Variants in COA1 observed in about 807,000 individuals in gnomAD.
The protein encoded by COA1 is cytochrome c oxidase assembly factor 1.
In COA1, 13 loss-of-function variants were observed where a neutral mutation model predicts 16.0. The observed-to-expected ratio is 0.81, with a 90% confidence interval of 0.53 to 1.29. The LOEUF (loss-of-function observed/expected upper bound fraction) is 1.29, where lower values mean the gene tolerates loss of function less well. Among genes scored for constraint, COA1 ranks in the 50% most tolerant of loss-of-function variants. The pLI, the probability that COA1 is intolerant of heterozygous loss-of-function variation, is 0.00. For synonymous variants in COA1, 65 were observed against 65.7 expected, an observed-to-expected ratio of 0.99 and a Z score of 0.05; for missense variants, 179 against 177.0, an observed-to-expected ratio of 1.01 and a Z score of -0.06.
rs183234105 is a variant in COA1, at chr7:43,643,819, G to A, written c.264+1432C>T. ...CACAAATCCACCTTCTTTTAAAACC[G>A]AATATTTTAATCAGAATACCAGAGC... is the stretch of plus-strand genomic sequence containing the variant. On this transcript the variant is annotated intron_variant, in intron 4 of 5. Coordinates refer to ENST00000223336, the MANE Select transcript of COA1 (RefSeq NM_018224.4). 1.4e-3 allele frequency among the ~76,000 whole-genome samples: 214 copies of A among 152,264 alleles called. 1 individual carries two copies. The highest frequency in any genetic ancestry group is 9.9e-3 in the Admixed American group (151 of 15,294).
rs1244660458 is a variant in COA1 at position 43,729,461 on chromosome 7, GC to G, written c.-72del. 3 of 152,310 alleles carry G rather than the reference GC, an allele frequency of 2.0e-5. No homozygotes were observed. The highest frequency in any genetic ancestry group is 7.2e-5 in the African/African-American group (3 of 41,472). The allele number at this position is 152,310 out of a possible 1,614,324, so 9.4% of individuals were successfully genotyped here. A position where few individuals can be genotyped will look rare whatever the true frequency, so the allele number is the denominator to read the frequency against. The stretch of plus-strand genomic sequence containing the variant: ...CAACAGAAGCACCACGCTACAAAGA[GC>G]ATGACGAGTTCTTCCAGGCTTGGGA... On this transcript the variant is annotated 5_prime_UTR_variant, in exon 1 of 6. It removes an upstream start codon present in the reference 5' UTR. Transcript: ENST00000223336.
chr7:43,725,859 C>CA (rs1399179377), intron 1 of COA1, among the ~76,000 whole-genome samples: 1 of 150,222 alleles, frequency 6.7e-6, no homozygotes, highest in Non-Finnish European at 1.5e-5. Context: ...AACTCCATCT[C>CA]AAAAAATATA....
At chr7:43,609,865 C>T (rs1052903413) in intron 6 of COA1, among the ~76,000 whole-genome samples, 1 of 152,224 alleles carries the variant, frequency 6.6e-6, no homozygotes, top group African/African-American at 2.4e-5. Flanking sequence ...CTACCTTGAC[C>T]TCTGCTGTAG....
intron 5 of COA1, 63 bp downstream of exon 5, chr7:43,640,509 TG>T (rs2086777768): frequency 9.3e-7 from 1 of 1,078,338 alleles, no homozygotes; most frequent in Non-Finnish European, 1.4e-6. Flanking sequence ...AAAACGGAGT[TG>T]GGGTTGCTTT....
chr7:43,675,785 T>C (rs2093489366), intron 1 of COA1, among the ~76,000 whole-genome samples: 1 of 152,070 alleles, frequency 6.6e-6, no homozygotes, highest in Non-Finnish European at 1.5e-5. Context: ...GTGCTACTGG[T>C]TCAAGAGAAC....
chr7:43,725,778 G>A, intron 1 of COA1, among the ~76,000 whole-genome samples: 1 of 151,886 alleles, frequency 6.6e-6, no homozygotes, highest in East Asian at 1.9e-4. Flanking sequence ...AGAATCACTT[G>A]AACCCAGGAG....
At chr7:43,669,019 A>G (rs1306615836) in intron 1 of COA1, among the ~76,000 whole-genome samples, 1 of 152,140 alleles carries the variant, frequency 6.6e-6, no homozygotes, top group Non-Finnish European at 1.5e-5. Context: ...CCTAGAAGCA[A>G]TCAAACTCCA....
chr7:43,670,016 C>T (rs542113975), intron 1 of COA1, among the ~76,000 whole-genome samples: 94 of 152,114 alleles, frequency 6.2e-4, no homozygotes, highest in African/African-American at 2.2e-3. Context: ...GGAGACTTAG[C>T]TTGAGATTCT....
At chr7:43,663,160 A>G (rs2092602485) in intron 1 of COA1, among the ~76,000 whole-genome samples, 1 of 152,102 alleles carries the variant, frequency 6.6e-6, no homozygotes, top group South Asian at 2.1e-4. Flanking sequence ...CACCTCCTCC[A>G]GCTCTCTCTC....
At chr7:43,710,077 C>T (rs1030713930) in intron 1 of COA1, among the ~76,000 whole-genome samples, 5 of 151,796 alleles carry the variant, frequency 3.3e-5, no homozygotes, top group South Asian at 2.1e-4. Flanking sequence ...TTGCCAGATG[C>T]GGTGGCGCAC....
intron 1 of COA1, among the ~76,000 whole-genome samples, chr7:43,699,304 G>C (rs1563411067): frequency 6.6e-6 from 1 of 152,190 alleles, no homozygotes. Context: ...CTTGAGAGGA[G>C]AAATTCATGC....
At chr7:43,713,535 A>T (rs1182105556) in intron 1 of COA1, among the ~76,000 whole-genome samples, 1 of 152,058 alleles carries the variant, frequency 6.6e-6, no homozygotes, top group Non-Finnish European at 1.5e-5. Flanking sequence ...TCCTTTATAG[A>T]GCATCCTGTT....
At chr7:43,676,676 A>G (rs2093536218) in intron 1 of COA1, among the ~76,000 whole-genome samples, 2 of 152,178 alleles carry the variant, frequency 1.3e-5, no homozygotes, top group African/African-American at 4.8e-5. Context: ...TTCCCAACAA[A>G]AAGAAATGAT....
At chr7:43,616,247 A>C (rs1307655920) in intron 6 of COA1, among the ~76,000 whole-genome samples, 1 of 152,186 alleles carries the variant, frequency 6.6e-6, no homozygotes, top group Admixed American at 6.5e-5. Context: ...TTCATGGTGC[A>C]ATTCACAGAA....
chr7:43,677,129 C>G (rs1480843071), intron 1 of COA1, among the ~76,000 whole-genome samples: 1 of 152,170 alleles, frequency 6.6e-6, no homozygotes, highest in African/African-American at 2.4e-5. Flanking sequence ...TTCTTGTAAG[C>G]ATTTTCAGAT....
At chr7:43,691,340 A>AGAGGGAGGGAGG (rs780438936) in intron 1 of COA1, among the ~76,000 whole-genome samples, 4 of 47,422 alleles carry the variant, frequency 8.4e-5, no homozygotes, top group Admixed American at 2.0e-4. Flanking sequence ...AGAAAGAGAG[A>AGAGGGAGGGAGG]GAGGGAGGGA....
In COA1 at chr7:43,648,228, T is replaced by A. The variant is rs186485966; in HGVS notation, c.15+372A>T. On this transcript the variant is annotated intron_variant, in intron 2 of 5. Transcript: ENST00000223336. The stretch of plus-strand genomic sequence containing the variant: ...AAGAGTATCAAAATGAGTGTAAAGT[T>A]AATTACAGTAATGTGATCTGGGAAA... The A allele has an allele frequency of 6.8e-5, 23 of 340,038 alleles. No individual in the cohort carries two copies. In the East Asian group the frequency reaches 1.2e-3, roughly 18 times the overall value. The allele number at this position is 340,038 out of a possible 1,614,324, so 21.1% of individuals were successfully genotyped here. A position where few individuals can be genotyped will look rare whatever the true frequency, so the allele number is the denominator to read the frequency against.
At chr7:43,611,532 G>A (rs563208769) in intron 6 of COA1, among the ~76,000 whole-genome samples, 2 of 152,166 alleles carry the variant, frequency 1.3e-5, no homozygotes, top group South Asian at 4.2e-4. Context: ...AGCTTGGGTG[G>A]GGGCATTGCT....
chr7:43,697,491 G>C (rs2094568360), intron 1 of COA1, among the ~76,000 whole-genome samples: 1 of 152,000 alleles, frequency 6.6e-6, no homozygotes, highest in African/African-American at 2.4e-5. Flanking sequence ...TCATCATGTT[G>C]GCCAGGCTGG....
Sources: allele counts gnomAD v4.1 joint callset (sites outside exome capture counted in the v4.1 genomes callset), GRCh38; gene constraint gnomAD v4.1.1; transcripts MANE v1.5; gene names NCBI Gene and HGNC (gene_info 2026-07-23, HGNC 2026-07-21).